TANC2: variants seen among roughly 807,000 people sequenced by gnomAD.
TANC2 encodes the protein protein TANC2.
A neutral mutation model predicts 210.5 loss-of-function variants in TANC2; 26 were observed. The ratio of observed to expected loss-of-function variants is 0.12; its 90% CI spans 0.09 to 0.17. TANC2 has a LOEUF of 0.17. TANC2 is among the 10% of genes least tolerant of loss of function. The pLI is 1.00. For synonymous variants in TANC2, 931 were observed against 967.1 expected (o/e 0.96, Z 0.69); for missense variants, 2,129 against 2,608.9 (o/e 0.82, Z 4.01).
At chr17:63,263,106 CAT>C (rs2043418226) in intron 8 of TANC2, among the ~76,000 whole-genome samples, 1 of 152,036 alleles carries the variant, frequency 6.6e-6, no homozygotes, top group South Asian at 2.1e-4. Flanking sequence ...AGACGGGAAA[CAT>C]AAAGCGTGTG....
intron 2 of TANC2, among the ~76,000 whole-genome samples, chr17:63,033,208 G>A: frequency 6.6e-6 from 1 of 152,134 alleles, no homozygotes; most frequent in East Asian, 1.9e-4. Flanking sequence ...GCTTCATTAT[G>A]TAGGCATGAT....
At chr17:63,348,317 A>T (rs947587105) in intron 12 of TANC2, among the ~76,000 whole-genome samples, 3 of 152,202 alleles carry the variant, frequency 2.0e-5, no homozygotes, top group African/African-American at 7.2e-5. Flanking sequence ...TGGAACTACT[A>T]AGGAAGAAAG....
intron 1 of TANC2, among the ~76,000 whole-genome samples, chr17:62,972,974 G>A (rs532823102): frequency 6.6e-6 from 1 of 151,966 alleles, no homozygotes; most frequent in African/African-American, 2.4e-5. Flanking sequence ...GTGGGCTTGG[G>A]CATGATGTTC....
intron 8 of TANC2, among the ~76,000 whole-genome samples, chr17:63,254,269 T>G (rs1598714044): frequency 6.6e-6 from 1 of 152,360 alleles, no homozygotes; most frequent in African/African-American, 2.4e-5. Flanking sequence ...TCTTGATTTC[T>G]TTTTCATCTT....
At chr17:63,036,953 C>A (rs1050241977) in intron 2 of TANC2, among the ~76,000 whole-genome samples, 6 of 151,574 alleles carry the variant, frequency 4.0e-5, no homozygotes, top group African/African-American at 1.5e-4. Flanking sequence ...AACACCGAAC[C>A]CTATATGTAC....
intron 2 of TANC2, among the ~76,000 whole-genome samples, chr17:63,066,414 G>A (rs1325425293): frequency 1.3e-5 from 2 of 152,058 alleles, no homozygotes; most frequent in African/African-American, 2.4e-5. Context: ...TGAAGCTGTC[G>A]GGGCTCACCT....
intron 11 of TANC2, among the ~76,000 whole-genome samples, chr17:63,326,154 C>G (rs533225353): frequency 8.5e-5 from 13 of 152,212 alleles, no homozygotes; most frequent in African/African-American, 3.1e-4. Flanking sequence ...ACTGTAAAGC[C>G]TAAATCAAAA....
chr17:63,052,234 C>T (rs1487912588), intron 2 of TANC2, among the ~76,000 whole-genome samples: 4 of 152,284 alleles, frequency 2.6e-5, no homozygotes, highest in African/African-American at 9.6e-5. Flanking sequence ...TTGTTTCTCA[C>T]AACCACATAG....
rs375605366 is a variant in TANC2, at chr17:63,347,127, G to A, written c.1808-4123G>A. Among the ~76,000 whole-genome samples, 42 of 152,280 alleles carry A rather than the reference G, an allele frequency of 2.8e-4. 1 individual carries two copies. In the East Asian group the frequency reaches 5.0e-3, roughly 18 times the overall value. On this transcript the variant is annotated intron_variant, in intron 12 of 27. Transcript: ENST00000689528. ...AAACACTTGTACAAGAATGTTTCTAGCAGCTTTATTCATAGTCGTCAAAAA... is the reference window on the plus strand; with the variant it reads ...AAACACTTGTACAAGAATGTTTCTAACAGCTTTATTCATAGTCGTCAAAAA...
At chr17:63,214,713 C>T (rs2041978203) in intron 7 of TANC2, among the ~76,000 whole-genome samples, 1 of 152,144 alleles carries the variant, frequency 6.6e-6, no homozygotes, top group Non-Finnish European at 1.5e-5. Flanking sequence ...AAGGCCAGAA[C>T]CTTTAATACT....
chr17:63,103,734 C>G (rs1265944556), intron 4 of TANC2, among the ~76,000 whole-genome samples: 1 of 152,120 alleles, frequency 6.6e-6, no homozygotes, highest in Non-Finnish European at 1.5e-5. Flanking sequence ...ATGTTAGATA[C>G]CAGTGGGAAC....
intron 7 of TANC2, among the ~76,000 whole-genome samples, chr17:63,209,947 A>T (rs898417668): frequency 2.0e-5 from 3 of 152,178 alleles, no homozygotes; most frequent in Non-Finnish European, 4.4e-5. Flanking sequence ...AACTACATTA[A>T]TTTTTCAAAT....
chr17:63,144,672 C>T (rs1237375290), intron 4 of TANC2, among the ~76,000 whole-genome samples: 2 of 152,026 alleles, frequency 1.3e-5, no homozygotes. Flanking sequence ...GTTTATAAAA[C>T]ATGTACTTCA....
chr17:63,081,125 T>A (rs1438072427), intron 3 of TANC2, among the ~76,000 whole-genome samples: 2 of 152,182 alleles, frequency 1.3e-5, no homozygotes, highest in African/African-American at 4.8e-5. Flanking sequence ...TGAAATATCT[T>A]TATTGCTTGT....
intron 11 of TANC2, among the ~76,000 whole-genome samples, chr17:63,321,852 A>G (rs2045504544): frequency 6.6e-6 from 1 of 152,108 alleles, no homozygotes; most frequent in Non-Finnish European, 1.5e-5. Flanking sequence ...CAGGGCAGGG[A>G]TGGGAATCTG....
At chr17:63,389,705 C>T in intron 17 of TANC2, 161 bp downstream of exon 17, 1 of 697,600 alleles carries the variant, frequency 1.4e-6, no homozygotes, top group Non-Finnish European at 2.4e-6. Context: ...TGTGCAGGGC[C>T]ACTGCCATCC....
chr17:63,077,906 T>A (rs1353136848), intron 3 of TANC2, among the ~76,000 whole-genome samples: 1 of 152,196 alleles, frequency 6.6e-6, no homozygotes, highest in Non-Finnish European at 1.5e-5. Context: ...TGTATTTGAT[T>A]TGCTAAGAAT....
In TANC2 at chr17:63,314,709, G is replaced by A. The variant is rs756714102; in HGVS notation, c.1441+40G>A. 1.0e-5 allele frequency: 16 copies of A among 1,594,012 alleles called. No individual in the cohort carries two copies. In the Admixed American group the frequency reaches 1.4e-4, roughly 14 times the overall value. ...TTAAAGAACTCCCTGTTTCATTGGC[G>A]CTGAAGTTTTTCTGACATATTTATA... On this transcript the variant is annotated intron_variant, in intron 10 of 27. Transcript: ENST00000689528.
At chr17:63,085,699 GTA>G (rs2144753595) in intron 3 of TANC2, among the ~76,000 whole-genome samples, 1 of 151,876 alleles carries the variant, frequency 6.6e-6, no homozygotes, top group African/African-American at 2.4e-5. Flanking sequence ...ATGTGTGTGT[GTA>G]TATGTATATT....
Sources: gnomAD v4.1 joint callset for allele counts (sites outside exome capture counted in the v4.1 genomes callset) on GRCh38, gnomAD v4.1.1 for gene constraint, MANE v1.5 for transcripts, NCBI Gene and HGNC (gene_info 2026-07-23, HGNC 2026-07-21) for gene names.